AHCTF1: variants seen among roughly 807,000 people sequenced by gnomAD.
The protein encoded by AHCTF1 is protein ELYS.
Under a neutral mutation model 248.4 loss-of-function variants are expected in AHCTF1, and 24 were observed. The observed-to-expected ratio is 0.10, with a 90% confidence interval of 0.07 to 0.14. The LOEUF (loss-of-function observed/expected upper bound fraction) is 0.14, where lower values mean the gene tolerates loss of function less well. Ranked by LOEUF, AHCTF1 falls within the 10% of genes least tolerant of loss-of-function variation. AHCTF1 has a pLI of 1.00. For synonymous variants in AHCTF1, 786 were observed against 929.8 expected (o/e 0.85, Z 2.81); for missense variants, 2,206 against 2,636.2 (o/e 0.84, Z 3.57).
chr1:246,861,091 A>G lies in AHCTF1; in HGVS notation c.3940T>C (p.Ser1314Pro), dbSNP rs757335600. 10 of 1,614,020 alleles carry G rather than the reference A, an allele frequency of 6.2e-6. No individual in the cohort carries two copies. The highest frequency in any genetic ancestry group is 8.5e-6 in the Non-Finnish European group (10 of 1,180,004). The change falls in exon 29 of 36, where the codon TCC becomes CCC. Residue 1314 changes from serine (S) to proline (P), a missense_variant. Ser to Pro is a moderately conservative substitution (Grantham distance 74). Coordinates refer to ENST00000648844, the MANE Select transcript of AHCTF1 (RefSeq NM_001323342.2). ...SKGNSSVSIT[S>P]DETTLEYQDA... is the part of the protein sequence containing the mutation. ...TGATACTCTAAGGTAGTCTCATCGG[A>G]TGTGATTGAAACACTGCTGTTTCCT...
intron 24 of AHCTF1, 152 bp downstream of exon 24, chr1:246,875,885 T>C (rs1171987341): frequency 5.8e-6 from 4 of 693,836 alleles, no homozygotes; most frequent in South Asian, 2.5e-5. Flanking sequence ...AGTCACTTCA[T>C]TGCAGTGATC....
chr1:246,844,558 C>CA (rs1660110340), intron 33 of AHCTF1, among the ~76,000 whole-genome samples: 2 of 152,074 alleles, frequency 1.3e-5, no homozygotes, highest in African/African-American at 4.8e-5. Context: ...CCTGTCTCTA[C>CA]AAAAAATTTT....
intron 3 of AHCTF1, among the ~76,000 whole-genome samples, chr1:246,915,465 T>C (rs529782106): frequency 6.6e-6 from 1 of 152,272 alleles, no homozygotes; most frequent in African/African-American, 2.4e-5. Context: ...CCATTCTAAA[T>C]CAAGTCTAGT....
chr1:246,893,458 C>T (rs1465827660), intron 14 of AHCTF1, among the ~76,000 whole-genome samples: 1 of 152,208 alleles, frequency 6.6e-6, no homozygotes, highest in African/African-American at 2.4e-5. Context: ...ATGACTAAAA[C>T]ATTTACCTCT....
chr1:246,924,285 CTA>C (rs1223963946), intron 1 of AHCTF1, among the ~76,000 whole-genome samples: 1 of 152,120 alleles, frequency 6.6e-6, no homozygotes, highest in Non-Finnish European at 1.5e-5. Flanking sequence ...ATGAAATTAA[CTA>C]TTTCTAAAAA....
At chr1:246,929,730 AAAGACACAAC>A (rs1475035037) in intron 1 of AHCTF1, among the ~76,000 whole-genome samples, 1 of 152,238 alleles carries the variant, frequency 6.6e-6, no homozygotes, top group African/African-American at 2.4e-5. Context: ...GGTAGGCGTG[AAAGACACAAC>A]GTTTTGCTTC....
At chr1:246,926,524 A>G (rs72766547) in intron 1 of AHCTF1, among the ~76,000 whole-genome samples, 2,669 of 152,314 alleles carry the variant, frequency 0.018, 33 homozygotes, top group Middle Eastern at 0.034. Context: ...GACTTTTCCA[A>G]TTTAAGCACA....
chr1:246,869,097 G>C (rs558046139), intron 24 of AHCTF1, among the ~76,000 whole-genome samples: 62 of 151,194 alleles, frequency 4.1e-4, no homozygotes, highest in African/African-American at 1.4e-3. Context: ...GCCCGCCTTG[G>C]CCTCCCAAAG....
At chr1:246,904,150 CTG>C in intron 6 of AHCTF1, 117 bp from the exon 7 acceptor site, 1 of 762,144 alleles carries the variant, frequency 1.3e-6, no homozygotes, top group Non-Finnish European at 2.2e-6. Flanking sequence ...ACTAAAATCA[CTG>C]TGAAAAATTT....
At chr1:246,876,438 T>C (rs1372924613) in intron 23 of AHCTF1, among the ~76,000 whole-genome samples, 2 of 152,192 alleles carry the variant, frequency 1.3e-5, no homozygotes, top group Admixed American at 1.3e-4. Flanking sequence ...TTATTAAGCA[T>C]CCATGTGTCA....
At chr1:246,907,470 C>A in intron 5 of AHCTF1, 81 bp downstream of exon 5, 1 of 1,273,332 alleles carries the variant, frequency 7.9e-7, no homozygotes, top group Non-Finnish European at 1.1e-6. Context: ...ACTATGCTAA[C>A]TTTCAAATAT....
intron 1 of AHCTF1, among the ~76,000 whole-genome samples, chr1:246,930,282 G>A (rs1667253265): frequency 1.3e-5 from 2 of 151,964 alleles, no homozygotes; most frequent in African/African-American, 2.4e-5. Context: ...CCAAGTAGGC[G>A]CGCGACTAGA....
Position 246,850,313 on chromosome 1 carries a change from C to T in AHCTF1, c.5693G>A (p.Ser1898Asn), listed in dbSNP as rs147931881. The T allele has an allele frequency of 5.6e-6, 9 of 1,613,770 alleles. No homozygotes were observed. In the African/African-American group the frequency reaches 1.1e-4, roughly 19 times the overall value. ...INDLKVSTVT[S>N]PSRMIRKLRS... Reference sequence around the variant, plus strand: ...CAATTTTCTGATCATTCTGCTAGGACTTGTTACCGTACTAACTTTTAGATC... The same window carrying T: ...CAATTTTCTGATCATTCTGCTAGGATTTGTTACCGTACTAACTTTTAGATC... The change falls in exon 33 of 36, where the codon AGT (serine) becomes AAT (asparagine). Residue 1898 changes from serine (S) to asparagine (N), a missense_variant. This residue lies in a region of AHCTF1 where 469 missense variants were observed against 470.0 expected (regional missense o/e 1.00). Coordinates refer to ENST00000648844, the MANE Select transcript of AHCTF1 (RefSeq NM_001323342.2).
intron 30 of AHCTF1, 79 bp downstream of exon 30, chr1:246,857,606 AACATGC>A (rs1218028677): frequency 1.7e-5 from 24 of 1,406,348 alleles, no homozygotes; most frequent in Middle Eastern, 2.6e-4. Context: ...AGTGAAATCT[AACATGC>A]ACAGAATATT....
intron 24 of AHCTF1, among the ~76,000 whole-genome samples, chr1:246,874,104 CTTT>C (rs1662781063): frequency 1.3e-5 from 2 of 151,888 alleles, no homozygotes; most frequent in African/African-American, 4.8e-5. Context: ...ATTTTATAAT[CTTT>C]TTTAATATTA....
At position 246,849,751 on chromosome 1, in the gene AHCTF1, G is replaced by A. The variant is rs777153406; in HGVS notation, c.6255C>T (p.Leu2085=). 8.1e-6 allele frequency: 13 copies of A among 1,613,836 alleles called. No homozygotes were observed. Among genetic ancestry groups the A allele is most frequent in the Admixed American group, 5.0e-5 (3 of 59,988 alleles). The change falls in exon 33 of 36, where the codon CTC becomes CTT. Residue 2085 remains leucine (L), a synonymous_variant. Coordinates refer to ENST00000648844, the MANE Select transcript of AHCTF1 (RefSeq NM_001323342.2). ...ATGATTTAGTGAAGGAAGCTGTGGC[G>A]AGCAATCTTTCTTCCTGCTCATTTG... ...KETNEQEERL[L]ATASFTKSSR... is the part of the protein sequence containing the mutation.
rs756404764 is a variant in AHCTF1, at chr1:246,849,999, G to C, written c.6007C>G (p.Pro2003Ala). 6.2e-7 allele frequency: 1 copy of C among 1,613,212 alleles called. No homozygotes were observed. Among genetic ancestry groups the C allele is most frequent in the South Asian group, 1.1e-5 (1 of 91,026 alleles). ...EERSPKKKEA[P>A]SIRRRSTRNT... ...CTTGTAGATCTCCTTCTAATGCTGG[G>C]AGCTTCTTTCTTCTTGGGGCTTCTC... The change falls in exon 33 of 36, where the codon CCC (proline) becomes GCC (alanine). Residue 2003 changes from proline to alanine, a missense_variant. This residue lies in a region of AHCTF1 where 469 missense variants were observed against 470.0 expected (regional missense o/e 1.00). Transcript: ENST00000648844.
intron 33 of AHCTF1, among the ~76,000 whole-genome samples, chr1:246,844,759 C>T (rs1291643264): frequency 6.7e-6 from 1 of 148,328 alleles, no homozygotes; most frequent in Non-Finnish European, 1.5e-5. Flanking sequence ...ATGGTTTAAA[C>T]AACAATTGGT....
rs531313078 is a variant in AHCTF1 at position 246,876,787 on chromosome 1, C to T, written c.2937+163G>A. ...TACGTAAAAGAATTACGTGGTAATA[C>T]CCTGTTCCCAATTCTGTTACAGAGA... On this transcript the variant is annotated intron_variant, in intron 23 of 35. Transcript: ENST00000648844. Among the ~76,000 whole-genome samples the T allele has an allele frequency of 6.6e-5, 10 of 152,264 alleles. No individual in the cohort carries two copies. In the South Asian group the frequency reaches 1.7e-3, roughly 25 times the overall value.
Sources: allele counts gnomAD v4.1 joint callset (sites outside exome capture counted in the v4.1 genomes callset), GRCh38; gene constraint gnomAD v4.1.1; regional missense constraint gnomAD v4.1.1; transcripts MANE v1.5; gene names NCBI Gene and HGNC (gene_info 2026-07-23, HGNC 2026-07-21).